The following SLC26A7 variants were observed in gnomAD, a reference collection of about 807,000 sequenced individuals.
SLC26A7 encodes the protein solute carrier family 26 member 7.
A neutral mutation model predicts 82.5 loss-of-function variants in SLC26A7; 59 were observed. The observed-to-expected ratio is 0.72, with a 90% CI of 0.58 to 0.89. The LOEUF (loss-of-function observed/expected upper bound fraction) is 0.89. Among genes scored for constraint, SLC26A7 ranks in the 40% least tolerant of loss-of-function variants. The pLI, the probability that SLC26A7 is intolerant of heterozygous loss-of-function variation, is 0.00. For missense variants in SLC26A7, 820 were observed against 793.0 expected, an observed-to-expected ratio of 1.03 and a Z score of -0.41; for synonymous variants, 271 against 274.3, an observed-to-expected ratio of 0.99 and a Z score of 0.12.
At chr8:91,331,957 C>T (rs1013242445) in intron 5 of SLC26A7, among the ~76,000 whole-genome samples, 1 of 151,672 alleles carries the variant, frequency 6.6e-6, no homozygotes, top group Non-Finnish European at 1.5e-5. Context: ...CTTCTGTTAT[C>T]TGTTTATGTC....
chr8:91,223,868 C>A (rs1810198064), intron 2 of SLC26A7, among the ~76,000 whole-genome samples: 1 of 151,962 alleles, frequency 6.6e-6, no homozygotes, highest in Admixed American at 6.6e-5. Flanking sequence ...AGGCTTTGTT[C>A]ATTCCTTTTT....
chr8:91,260,068 T>C (rs1314482057), intron 2 of SLC26A7, among the ~76,000 whole-genome samples: 1 of 152,250 alleles, frequency 6.6e-6, no homozygotes, highest in Non-Finnish European at 1.5e-5. Context: ...TCATATTTGA[T>C]TGAGCACTGT....
intron 11 of SLC26A7, among the ~76,000 whole-genome samples, chr8:91,356,491 A>G (rs1813872638): frequency 6.6e-6 from 1 of 152,024 alleles, no homozygotes; most frequent in African/African-American, 2.4e-5. Flanking sequence ...GATGATGAGC[A>G]TTTTTTCATG....
chr8:91,227,193 A>G (rs1412633886), intron 2 of SLC26A7, among the ~76,000 whole-genome samples: 1 of 152,208 alleles, frequency 6.6e-6, no homozygotes, highest in Non-Finnish European at 1.5e-5. Flanking sequence ...AACAATTACA[A>G]CCAACTTTCT....
Position 91,393,776 on chromosome 8 carries a change from AT to A in SLC26A7, c.1777-20del. ...TGGCTATTCTGAATTAATTGTGGGT[AT>A]CCTATTTTAATTCTTCCAGGTTTAC... On this transcript the variant is annotated intron_variant, in intron 16 of 18. Coordinates refer to ENST00000276609, the MANE Select transcript of SLC26A7 (RefSeq NM_052832.4). The A allele has an allele frequency of 6.2e-7, 1 of 1,611,814 alleles. No individual in the cohort carries two copies. The highest frequency in any genetic ancestry group is 8.5e-7 in the Non-Finnish European group (1 of 1,178,410).
intron 1 of SLC26A7, among the ~76,000 whole-genome samples, chr8:91,218,583 A>G (rs1323447875): frequency 6.6e-6 from 1 of 152,176 alleles, no homozygotes; most frequent in East Asian, 1.9e-4. Flanking sequence ...AGTCAGGTTC[A>G]TGTAGATTCT....
intron 2 of SLC26A7, among the ~76,000 whole-genome samples, chr8:91,223,754 T>C (rs979815547): frequency 3.9e-5 from 6 of 152,178 alleles, no homozygotes; most frequent in Non-Finnish European, 8.8e-5. Context: ...TCCTGGATAA[T>C]ATTCTGCAGT....
chr8:91,286,209 G>A (rs987408576), intron 2 of SLC26A7, among the ~76,000 whole-genome samples: 10 of 152,142 alleles, frequency 6.6e-5, no homozygotes, highest in Non-Finnish European at 1.2e-4. Context: ...GGGTTGGAGG[G>A]ACAAGGCATA....
intron 3 of SLC26A7, among the ~76,000 whole-genome samples, chr8:91,291,452 G>A (rs991023068): frequency 2.0e-5 from 3 of 151,922 alleles, no homozygotes; most frequent in Non-Finnish European, 2.9e-5. Flanking sequence ...ATTTCCTAAC[G>A]ATTTCTTTTC....
intron 9 of SLC26A7, among the ~76,000 whole-genome samples, chr8:91,351,019 A>G (rs954948216): frequency 6.6e-6 from 1 of 152,072 alleles, no homozygotes; most frequent in Non-Finnish European, 1.5e-5. Flanking sequence ...ACTAGGTCCA[A>G]ATTCCCTTTG....
In SLC26A7 at chr8:91,397,981, C is replaced by T. The variant is rs1808619745; in HGVS notation, c.*2884C>T. Reference sequence around the variant, plus strand: ...ATTTCAAATAGGGAGTTAAGTGGTACTTTCACAATCCAAAGATTTTTAGTT... The same window carrying T: ...ATTTCAAATAGGGAGTTAAGTGGTATTTTCACAATCCAAAGATTTTTAGTT... On this transcript the variant is annotated 3_prime_UTR_variant, in exon 19 of 19. Coordinates refer to ENST00000276609, the MANE Select transcript of SLC26A7 (RefSeq NM_052832.4). 1 of 152,442 alleles carries T rather than the reference C, an allele frequency of 6.6e-6. No individual in the cohort carries two copies. Among genetic ancestry groups the T allele is most frequent in the Non-Finnish European group, 1.5e-5 (1 of 67,954 alleles). 9.4% of individuals were successfully genotyped at this position (152,442 alleles called of 1,614,324 possible).
chr8:91,285,225 G>A (rs1348332661), intron 2 of SLC26A7, among the ~76,000 whole-genome samples: 3 of 152,128 alleles, frequency 2.0e-5, no homozygotes, highest in East Asian at 3.9e-4. Context: ...GCATTCACAC[G>A]ACTTCCTTGT....
intron 7 of SLC26A7, among the ~76,000 whole-genome samples, chr8:91,338,998 A>G (rs1413068265): frequency 6.6e-6 from 1 of 152,206 alleles, no homozygotes; most frequent in Admixed American, 6.5e-5. Context: ...AAAAATTCTC[A>G]GGAATTAAAA....
At chr8:91,242,820 A>G (rs1810492068) in intron 2 of SLC26A7, among the ~76,000 whole-genome samples, 1 of 152,212 alleles carries the variant, frequency 6.6e-6, no homozygotes, top group African/African-American at 2.4e-5. Context: ...TCAGCTCATT[A>G]GTACAGATAA....
In SLC26A7 at chr8:91,233,250, G is replaced by T. The variant is rs574549863; in HGVS notation, c.-34+14245G>T. Among the ~76,000 whole-genome samples, 5 of 152,304 alleles carry T rather than the reference G, an allele frequency of 3.3e-5. No homozygotes were observed. The South Asian group carries it at 6.2e-4, about 19-fold the overall frequency. The stretch of plus-strand genomic sequence containing the variant: ...AAACATCAGGAGAAAAAGCAGAGAA[G>T]TAGACAGCTTTTCCCTTAGAAAATG... On this transcript the variant is annotated intron_variant, in intron 2 of 5. Coordinates refer to the SLC26A7 transcript ENST00000522862.
chr8:91,364,687 A>C (rs1448927159), intron 13 of SLC26A7, among the ~76,000 whole-genome samples: 1 of 152,136 alleles, frequency 6.6e-6, no homozygotes, highest in African/African-American at 2.4e-5. Flanking sequence ...GGATTTGACT[A>C]TTTTCAGCTT....
intron 4 of SLC26A7, among the ~76,000 whole-genome samples, chr8:91,305,072 C>T (rs1812266555): frequency 6.6e-6 from 1 of 152,140 alleles, no homozygotes; most frequent in Non-Finnish European, 1.5e-5. Flanking sequence ...TTACACATTT[C>T]CCTCCTTTTC....
At chr8:91,334,958 A>AT in intron 6 of SLC26A7, among the ~76,000 whole-genome samples, 1 of 152,064 alleles carries the variant, frequency 6.6e-6, no homozygotes, top group African/African-American at 2.4e-5. Flanking sequence ...TCTCTAAAAT[A>AT]TTTTTTTGTT....
intron 3 of SLC26A7, 52 bp downstream of exon 3, chr8:91,289,298 T>A: frequency 7.8e-7 from 1 of 1,284,608 alleles, no homozygotes; most frequent in Non-Finnish European, 1.1e-6. Flanking sequence ...AAAGACTTAG[T>A]GATTATTACT....
Sources: allele counts gnomAD v4.1 joint callset (sites outside exome capture counted in the v4.1 genomes callset), GRCh38; gene constraint gnomAD v4.1.1; transcripts MANE v1.5; gene names NCBI Gene and HGNC (gene_info 2026-07-23, HGNC 2026-07-21).